DSN1: variants seen among roughly 807,000 people sequenced by gnomAD.
The protein encoded by DSN1 is DSN1 component of MIS12 kinetochore complex, also known as kinetochore-associated protein DSN1 homolog.
A neutral mutation model predicts 45.7 loss-of-function variants in DSN1; 31 were observed. The ratio of observed to expected loss-of-function variants is 0.68; its 90% CI spans 0.51 to 0.92. DSN1 has a LOEUF of 0.92. Among genes scored for constraint, DSN1 ranks in the 40% least tolerant of loss-of-function variants. The pLI is 0.00. For missense variants in DSN1, 394 were observed against 414.2 expected (o/e 0.95, Z 0.42); for synonymous variants, 134 against 142.3 (o/e 0.94, Z 0.41).
chr20:36,764,322 T>A (rs150466711), intron 5 of DSN1, among the ~76,000 whole-genome samples: 2 of 152,258 alleles, frequency 1.3e-5, no homozygotes, highest in East Asian at 3.9e-4. Flanking sequence ...GGGGAAAGGC[T>A]ATGTTAATTA....
At chr20:36,754,941 T>C in intron 9 of DSN1, 91 bp from the exon 10 acceptor site, 1 of 1,071,528 alleles carries the variant, frequency 9.3e-7, no homozygotes, top group Non-Finnish European at 1.4e-6. Context: ...TCAGGAGCTC[T>C]GGGCTTGCTG....
chr20:36,753,648 A>AG (rs1435058662), intron 10 of DSN1, among the ~76,000 whole-genome samples: 1 of 150,656 alleles, frequency 6.6e-6, no homozygotes, highest in African/African-American at 2.4e-5. Flanking sequence ...AAAAAAAAAA[A>AG]AAAAAGAAAA....
At chr20:36,763,052 C>G (rs1347179690) in intron 5 of DSN1, among the ~76,000 whole-genome samples, 1 of 152,186 alleles carries the variant, frequency 6.6e-6, no homozygotes, top group Non-Finnish European at 1.5e-5. Context: ...CTGTGCCCAG[C>G]CTTTATGACA....
intron 5 of DSN1, among the ~76,000 whole-genome samples, chr20:36,766,503 C>A (rs1305243712): frequency 6.6e-6 from 1 of 152,034 alleles, no homozygotes; most frequent in Non-Finnish European, 1.5e-5. Context: ...CTCTTCCCTA[C>A]TAAAAATACA....
At chr20:36,758,715 T>C in intron 6 of DSN1, 98 bp from the exon 7 acceptor site, 1 of 1,200,814 alleles carries the variant, frequency 8.3e-7, no homozygotes, top group Non-Finnish European at 1.1e-6. Flanking sequence ...CAGACGGAGT[T>C]TCCCTCTTGT....
intron 1 of DSN1, among the ~76,000 whole-genome samples, chr20:36,772,193 T>C (rs922284942): frequency 1.3e-5 from 2 of 151,970 alleles, no homozygotes; most frequent in African/African-American, 4.8e-5. Flanking sequence ...CTGTTACTAG[T>C]TTAGTTCAGG....
chr20:36,772,317 C>G (rs1249650057), intron 1 of DSN1, among the ~76,000 whole-genome samples: 1 of 150,140 alleles, frequency 6.7e-6, no homozygotes, highest in East Asian at 2.0e-4. Flanking sequence ...GAGGTGGAAT[C>G]TCACTCTGTC....
intron 5 of DSN1, among the ~76,000 whole-genome samples, chr20:36,765,797 C>CA (rs755780265): frequency 3.0e-3 from 135 of 44,756 alleles, no homozygotes; most frequent in South Asian, 7.5e-3. Context: ...GAGTCTGTCT[C>CA]AAAAAAAAAA....
intron 1 of DSN1, among the ~76,000 whole-genome samples, chr20:36,772,121 T>A (rs1939526338): frequency 6.6e-6 from 1 of 151,768 alleles, no homozygotes. Context: ...CCTCAAGTGA[T>A]CCACCAGCCT....
intron 5 of DSN1, among the ~76,000 whole-genome samples, chr20:36,765,247 T>TTAA (rs780719980): frequency 9.3e-5 from 7 of 75,264 alleles, no homozygotes; most frequent in African/African-American, 4.1e-4. Context: ...AGGCTTGTGT[T>TTAA]AAAAAAAAAA....
intron 1 of DSN1, 99 bp from the exon 2 acceptor site, chr20:36,771,572 C>T: frequency 9.3e-7 from 1 of 1,072,792 alleles, no homozygotes; most frequent in Non-Finnish European, 1.4e-6. Flanking sequence ...TGCTTTCCAG[C>T]CTCTCTGAGC....
At chr20:36,773,078 C>T (rs527410490) in intron 1 of DSN1, among the ~76,000 whole-genome samples, 2 of 152,312 alleles carry the variant, frequency 1.3e-5, no homozygotes, top group South Asian at 4.1e-4. Context: ...TCTGAATCCC[C>T]CACGGTCCTT....
At chr20:36,758,501 A>G in intron 7 of DSN1, 57 bp downstream of exon 7, 1 of 1,446,196 alleles carries the variant, frequency 6.9e-7, no homozygotes, top group South Asian at 1.2e-5. Context: ...TTTCCAAGTT[A>G]GTTAATTTCC....
At chr20:36,757,888 A>G (rs1986761517) in intron 8 of DSN1, among the ~76,000 whole-genome samples, 199 bp downstream of exon 8, 1 of 152,218 alleles carries the variant, frequency 6.6e-6, no homozygotes, top group Admixed American at 6.5e-5. Flanking sequence ...TTGGACTGAA[A>G]ATAGTGACAC....
chr20:36,753,425 G>A (rs904508697), intron 10 of DSN1, among the ~76,000 whole-genome samples: 7 of 151,264 alleles, frequency 4.6e-5, no homozygotes, highest in African/African-American at 9.7e-5. Context: ...ATCACTTGCG[G>A]TCAGAAGTTC....
intron 3 of DSN1, among the ~76,000 whole-genome samples, chr20:36,770,214 G>A (rs568635187): frequency 3.9e-5 from 6 of 152,130 alleles, no homozygotes; most frequent in Admixed American, 2.6e-4. Context: ...CTACAGGTAC[G>A]TGCCACCATG....
At position 36,755,726 on chromosome 20, in the gene DSN1, T is replaced by A. The variant is rs1264923983; in HGVS notation, c.829A>T (p.Ile277Leu). Residue 277 changes from isoleucine (I) to leucine (L), a missense_variant, in exon 9 of 11, where the codon ATA (isoleucine) becomes TTA (leucine). Transcript: ENST00000373750. ...VLNTKPDYQKILQNQSKVFDC... is the reference protein window; with the variant it reads ...VLNTKPDYQKLLQNQSKVFDC... ...AAGACTTTGCTCTGGTTCTGTAATA[T>A]TTTCTGGTAGTCAGGTTTTGTATTA... 1.2e-6 allele frequency: 2 copies of A among 1,614,092 alleles called. No individual in the cohort carries two copies. Among genetic ancestry groups the A allele is most frequent in the Non-Finnish European group, 1.7e-6 (2 of 1,180,000 alleles).
At chr20:36,771,393 T>G (rs1392261691) in intron 2 of DSN1, 32 bp downstream of exon 2, 2 of 1,608,428 alleles carry the variant, frequency 1.2e-6, no homozygotes, top group Admixed American at 1.7e-5. Flanking sequence ...GAACCCAAGG[T>G]AAGAGGTACT....
At position 36,773,648 on chromosome 20, in the gene DSN1, C is replaced by G. The variant is rs1397563906; in HGVS notation, c.-16+14G>C. 3.0e-6 allele frequency: 3 copies of G among 985,524 alleles called. No individual in the cohort carries two copies. Among genetic ancestry groups the G allele is most frequent in the Non-Finnish European group, 3.6e-6 (3 of 830,092 alleles). The allele number at this position is 985,524 out of a possible 1,614,324, so 61.0% of individuals were successfully genotyped here. The stretch of plus-strand genomic sequence containing the variant: ...GTGACTTCCTGACGCCCGTCCAGTC[C>G]GGAACCTCCGTACCTGAAACACAAG... On this transcript the variant is annotated intron_variant, in intron 1 of 10. Coordinates refer to ENST00000373750, the MANE Select transcript of DSN1 (RefSeq NM_001145315.2).
Sources: gnomAD v4.1 joint callset for allele counts (sites outside exome capture counted in the v4.1 genomes callset) on GRCh38, gnomAD v4.1.1 for gene constraint, MANE v1.5 for transcripts, NCBI Gene and HGNC (gene_info 2026-07-23, HGNC 2026-07-21) for gene names.